Variants in LARGE1 observed in about 807,000 individuals in gnomAD.
The protein encoded by LARGE1 is LARGE xylosyl- and glucuronyltransferase 1.
A neutral mutation model predicts 87.6 loss-of-function variants in LARGE1; 43 were observed. The observed-to-expected ratio is 0.49, with a 90% CI of 0.38 to 0.63. LARGE1 has a LOEUF of 0.63. LARGE1 is among the 30% of genes least tolerant of loss of function. The pLI is 0.00. For synonymous variants in LARGE1, 434 were observed against 394.6 expected (o/e 1.10, Z -1.18); for missense variants, 802 against 1,000.2 (o/e 0.80, Z 2.67).
At chr22:33,876,570 TCTCA>T (rs1364999729) in intron 1 of LARGE1, among the ~76,000 whole-genome samples, 1 of 151,670 alleles carries the variant, frequency 6.6e-6, no homozygotes, top group Non-Finnish European at 1.5e-5. Context: ...ACTGCATTGT[TCTCA>T]CTCACAAGTG....
intron 5 of LARGE1, among the ~76,000 whole-genome samples, chr22:33,598,725 A>G (rs1251153708): frequency 6.6e-6 from 1 of 152,214 alleles, no homozygotes; most frequent in Non-Finnish European, 1.5e-5. Flanking sequence ...AAGGCTGCAT[A>G]GTATTCCATG....
At chr22:33,141,696 C>T in the LARGE1 span, among the ~76,000 whole-genome samples, 1 of 152,094 alleles carries the variant, frequency 6.6e-6, no homozygotes, top group Non-Finnish European at 1.5e-5. Flanking sequence ...TTAAGACAAG[C>T]ACCCACTCTA....
intron 11 of LARGE1, among the ~76,000 whole-genome samples, chr22:33,264,517 C>A (rs772550613): frequency 6.6e-6 from 1 of 152,076 alleles, no homozygotes; most frequent in East Asian, 1.9e-4. Context: ...AAAATTAGCC[C>A]ACTTGGTGGC....
chr22:33,918,125 C>T (rs1299057853), intron 1 of LARGE1, among the ~76,000 whole-genome samples: 3 of 152,208 alleles, frequency 2.0e-5, no homozygotes, highest in African/African-American at 7.2e-5. Flanking sequence ...GAGATGGAAG[C>T]ACTTCCGAGA....
At position 33,432,255 on chromosome 22, in the gene LARGE1, G is replaced by A. The variant is rs1451575976; in HGVS notation, c.798C>T (p.Val266=). ...CACTCTGGTTCTCCACCAAGCCCAGGACTTGCTGACCTGTGAGGTACAGAG... is the reference window on the plus strand; with the variant it reads ...CACTCTGGTTCTCCACCAAGCCCAGAACTTGCTGACCTGTGAGGTACAGAG... ...AVFHKFKGQQ[V]LGLVENQSDW... is the part of the protein sequence containing the mutation. The change falls in exon 7 of 15, where the codon GTC becomes GTT. Residue 266 remains valine (V), a synonymous_variant. Transcript: ENST00000397394. 6.2e-7 allele frequency: 1 copy of A among 1,613,924 alleles called. No individual in the cohort carries two copies. Among genetic ancestry groups the A allele is most frequent in the Non-Finnish European group, 8.5e-7 (1 of 1,179,814 alleles).
intron 11 of LARGE1, among the ~76,000 whole-genome samples, chr22:33,266,382 C>G (rs1053722488): frequency 1.3e-5 from 2 of 151,210 alleles, no homozygotes; most frequent in Non-Finnish European, 2.9e-5. Context: ...CCACCATGCC[C>G]AGCTAATTTT....
At chr22:33,692,628 C>T (rs1194917230) in intron 2 of LARGE1, among the ~76,000 whole-genome samples, 1 of 152,140 alleles carries the variant, frequency 6.6e-6, no homozygotes, top group Non-Finnish European at 1.5e-5. Context: ...CCATTTTAGA[C>T]CCTCATTATC....
chr22:33,395,085 C>T (rs111717677), intron 7 of LARGE1, among the ~76,000 whole-genome samples: 7 of 152,080 alleles, frequency 4.6e-5, no homozygotes, highest in Admixed American at 6.5e-5. Flanking sequence ...AAAAATTAGC[C>T]GGGCGTGGTG....
chr22:33,174,340 G>A (rs1273933513), intron 11 of LARGE1, among the ~76,000 whole-genome samples: 1 of 152,220 alleles, frequency 6.6e-6, no homozygotes, highest in Admixed American at 6.5e-5. Context: ...ATTTAAAGCA[G>A]TGTGTAGAGG....
Position 33,869,778 on chromosome 22 carries a change from C to T in LARGE1, c.-83+50217G>A, listed in dbSNP as rs563005686. ...TACATAATTCAGTGTTGCTGGAAGA[C>T]GTGCCACATCACGGTGAAAAGATGG... On this transcript the variant is annotated intron_variant, in intron 1 of 14. Coordinates refer to ENST00000397394, the MANE Select transcript of LARGE1 (RefSeq NM_133642.5). Among the ~76,000 whole-genome samples the T allele has an allele frequency of 5.3e-4, 80 of 152,228 alleles. 1 individual carries two copies. Among genetic ancestry groups the T allele is most frequent in the South Asian group, 3.3e-3 (16 of 4,822 alleles).
At chr22:33,296,203 C>G (rs771238482) in intron 12 of LARGE1, among the ~76,000 whole-genome samples, 1 of 152,188 alleles carries the variant, frequency 6.6e-6, no homozygotes, top group East Asian at 1.9e-4. Flanking sequence ...GGGCCTGGCA[C>G]TAAGGAGGGC....
At chr22:33,726,271 T>C (rs138529284) in intron 2 of LARGE1, 152 of 152,130 alleles carry the variant, frequency 1.0e-3, no homozygotes, top group African/African-American at 3.4e-3. Context: ...CTGGGAAATA[T>C]GGAAAAGAAC....
At chr22:33,651,859 A>C (rs1602987652) in intron 2 of LARGE1, among the ~76,000 whole-genome samples, 1 of 152,356 alleles carries the variant, frequency 6.6e-6, no homozygotes, top group East Asian at 1.9e-4. Context: ...TCCATGTAAC[A>C]ATCATACAAC....
rs553194265 is a variant in LARGE1, at chr22:33,854,667, C to T, written c.-83+65328G>A. On this transcript the variant is annotated intron_variant, in intron 1 of 14. Coordinates refer to ENST00000397394, the MANE Select transcript of LARGE1 (RefSeq NM_133642.5). ...ATCATTTTATTCTCCCCAAGTGTCTCCAGTTTATTTAAAAAAAAAAAGGTC... is the reference window on the plus strand; with the variant it reads ...ATCATTTTATTCTCCCCAAGTGTCTTCAGTTTATTTAAAAAAAAAAAGGTC... Among the ~76,000 whole-genome samples the T allele has an allele frequency of 1.5e-3, 195 of 132,270 alleles. 3 individuals carry two copies. Among genetic ancestry groups the T allele is most frequent in the Admixed American group, 2.5e-3 (34 of 13,686 alleles). The allele number at this position is 132,270 out of a possible 152,430, so 86.8% of individuals were successfully genotyped here. A position where few individuals can be genotyped will look rare whatever the true frequency, so the allele number is the denominator to read the frequency against.
intron 2 of LARGE1, among the ~76,000 whole-genome samples, chr22:33,688,856 T>C (rs1311899909): frequency 1.3e-5 from 2 of 152,046 alleles, no homozygotes; most frequent in East Asian, 1.9e-4. Flanking sequence ...CCACTTCTGA[T>C]TGGTAGGGCA....
chr22:33,381,863 A>T (rs1364550326), intron 9 of LARGE1, 56 bp downstream of exon 9: 1 of 1,610,484 alleles, frequency 6.2e-7, no homozygotes, highest in Non-Finnish European at 8.5e-7. Flanking sequence ...TGCCCCTGGG[A>T]GGTCCTCTCG....
intron 6 of LARGE1, among the ~76,000 whole-genome samples, chr22:33,544,496 G>A (rs1417966615): frequency 6.6e-6 from 1 of 152,054 alleles, no homozygotes; most frequent in Non-Finnish European, 1.5e-5. Context: ...AGACCTGCCT[G>A]GCCAACATGG....
At chr22:33,459,228 GA>G in intron 6 of LARGE1, among the ~76,000 whole-genome samples, 1 of 152,056 alleles carries the variant, frequency 6.6e-6, no homozygotes. Flanking sequence ...TTAACAGAAC[GA>G]AAACTGAAGC....
At chr22:33,749,938 TG>T (rs1050416460) in intron 2 of LARGE1, among the ~76,000 whole-genome samples, 3 of 152,196 alleles carry the variant, frequency 2.0e-5, no homozygotes, top group African/African-American at 7.2e-5. Context: ...CAGGCTCCCT[TG>T]CTATCTTGGT....
Sources: gnomAD v4.1 joint callset for allele counts (sites outside exome capture counted in the v4.1 genomes callset) on GRCh38, gnomAD v4.1.1 for gene constraint, MANE v1.5 for transcripts, NCBI Gene and HGNC (gene_info 2026-07-23, HGNC 2026-07-21) for gene names.